Variants in EPB41L3 observed in about 807,000 individuals in gnomAD.
EPB41L3 encodes the protein erythrocyte membrane protein band 4.1 like 3.
EPB41L3 carries 57 observed loss-of-function variants against 127.1 expected under a neutral mutation model. The observed-to-expected ratio is 0.45, with a 90% CI of 0.36 to 0.56. The LOEUF (loss-of-function observed/expected upper bound fraction) is 0.56. Among genes scored for constraint, EPB41L3 ranks in the 20% least tolerant of loss-of-function variants. EPB41L3 has a pLI of 0.00. For missense variants in EPB41L3, 1,273 were observed against 1,372.2 expected, an observed-to-expected ratio of 0.93 and a Z score of 1.14; for synonymous variants, 572 against 549.5, an observed-to-expected ratio of 1.04 and a Z score of -0.57.
At chr18:5,574,058 G>C (rs940640182) in intron 3 of EPB41L3, among the ~76,000 whole-genome samples, 3 of 151,742 alleles carry the variant, frequency 2.0e-5, no homozygotes, top group Non-Finnish European at 4.4e-5. Flanking sequence ...CTACAGGCAC[G>C]CACCACCTTT....
At chr18:5,630,351 G>C (rs779459281), upstream of EPB41L3, 1 of 517,624 alleles carries the variant, frequency 1.9e-6, no homozygotes, top group Admixed American at 1.9e-5. Context: ...CCTACGCCCG[G>C]CTGCCAAGAA....
At chr18:5,395,839 G>C in intron 19 of EPB41L3, 132 bp from the exon 20 acceptor site, 1 of 720,034 alleles carries the variant, frequency 1.4e-6, no homozygotes, top group South Asian at 1.7e-5. Context: ...TTCAGAGTCT[G>C]AGCGCTGCTC....
At chr18:5,431,870 G>A (rs1016837348) in intron 8 of EPB41L3, among the ~76,000 whole-genome samples, 1 of 152,020 alleles carries the variant, frequency 6.6e-6, no homozygotes, top group African/African-American at 2.4e-5. Flanking sequence ...ACATATAATA[G>A]AAAACATCTT....
chr18:5,562,468 T>C (rs2094146585), intron 3 of EPB41L3, among the ~76,000 whole-genome samples: 1 of 152,210 alleles, frequency 6.6e-6, no homozygotes, highest in Non-Finnish European at 1.5e-5. Flanking sequence ...CATTTCTCCC[T>C]CAACCAATTA....
intron 1 of EPB41L3, among the ~76,000 whole-genome samples, chr18:5,615,420 G>T (rs1440640804): frequency 6.6e-6 from 1 of 151,782 alleles, no homozygotes; most frequent in Non-Finnish European, 1.5e-5. Flanking sequence ...CATTTACTGG[G>T]TATATGAGAT....
At chr18:5,577,636 T>C in intron 3 of EPB41L3, 1 of 219,774 alleles carries the variant, frequency 4.6e-6, no homozygotes, top group Non-Finnish European at 9.0e-6. Flanking sequence ...GTGTAGCTTC[T>C]CCGCATGACT....
intron 6 of EPB41L3, among the ~76,000 whole-genome samples, chr18:5,436,403 CTTTTTTTTTTTTT>C (rs34862547): frequency 9.9e-6 from 1 of 100,646 alleles, no homozygotes; most frequent in African/African-American, 3.4e-5. Context: ...CATTTTCTTT[CTTTTTTTTTTTTT>C]TTTTTTTTTT....
At chr18:5,582,290 G>T (rs2094400772) in intron 3 of EPB41L3, among the ~76,000 whole-genome samples, 1 of 152,062 alleles carries the variant, frequency 6.6e-6, no homozygotes. Flanking sequence ...CCCAACACAG[G>T]AGAGGAGAAG....
chr18:5,545,641 G>A (rs576488788), upstream of EPB41L3, among the ~76,000 whole-genome samples: 8 of 152,264 alleles, frequency 5.3e-5, no homozygotes, highest in African/African-American at 1.7e-4. Flanking sequence ...TAATCTTATG[G>A]CTCTGCAAAG....
Position 5,543,739 on chromosome 18 carries a change from G to A in EPB41L3, c.-12+174C>T, listed in dbSNP as rs1230547865. Among the ~76,000 whole-genome samples, 3 of 147,752 alleles carry A rather than the reference G, an allele frequency of 2.0e-5. No homozygotes were observed. The highest frequency in any genetic ancestry group is 4.5e-5 in the Non-Finnish European group (3 of 66,586). On this transcript the variant is annotated intron_variant, in intron 1 of 22. Coordinates refer to ENST00000341928, the MANE Select transcript of EPB41L3 (RefSeq NM_012307.5). This position sits in a 1 kb window ranked among gnomAD's most constrained non-coding sequence, Gnocchi z 5.2. ...TCCCGGCGAGCGGGAGGGCGGTTGG[G>A]GACCCCGGCCGCGCCGGGCGCGGGG...
At position 5,398,085 on chromosome 18, in the gene EPB41L3, T is replaced by G; in HGVS notation, c.2408A>C (p.Glu803Ala). ...MDGSEIFSLLESARKPTEFIG... is the reference protein window; with the variant it reads ...MDGSEIFSLLASARKPTEFIG... ...GAATTCTGTTGGTTTTCGCGCAGACTCTAATAAACTGAAGATTTCAGAGCC... is the reference window on the plus strand; with the variant it reads ...GAATTCTGTTGGTTTTCGCGCAGACGCTAATAAACTGAAGATTTCAGAGCC... The change falls in exon 17 of 23, where the codon GAG becomes GCG. Residue 803 changes from glutamate (E) to alanine (A), a missense_variant. Transcript: ENST00000341928. The G allele has an allele frequency of 6.2e-7, 1 of 1,614,086 alleles. No individual in the cohort carries two copies. Among genetic ancestry groups the G allele is most frequent in the Non-Finnish European group, 8.5e-7 (1 of 1,180,008 alleles).
rs1237615415 is a variant in EPB41L3, at chr18:5,428,401, C to T, written c.977G>A (p.Arg326Gln). Residue 326 changes from arginine to glutamine, a missense_variant, in exon 9 of 23, where the codon CGG (arginine) becomes CAG (glutamine). Physicochemically the swap from Arg to Gln is conservative, Grantham distance 43. Transcript: ENST00000341928. Reference sequence around the variant, plus strand: ...CCAGGCAAATCTGTTTATTCGCAGCCGGTCGCGATATATCAACAGACCACT... The same window carrying T: ...CCAGGCAAATCTGTTTATTCGCAGCTGGTCGCGATATATCAACAGACCACT... Reference protein sequence around the residue: ...CASGLLIYRDRLRINRFAWPK... With the variant: ...CASGLLIYRDQLRINRFAWPK... 1.9e-6 allele frequency: 3 copies of T among 1,614,036 alleles called. No individual in the cohort carries two copies. The highest frequency in any genetic ancestry group is 2.2e-5 in the East Asian group (1 of 44,888).
In EPB41L3 at chr18:5,543,958, G is replaced by A. The variant is rs2093827543; in HGVS notation, c.-57C>T. 3 of 985,624 alleles carry A rather than the reference G, an allele frequency of 3.0e-6. No homozygotes were observed. Among genetic ancestry groups the A allele is most frequent in the Admixed American group, 6.2e-5 (1 of 16,256 alleles). The allele number at this position is 985,624 out of a possible 1,614,324, so 61.1% of individuals were successfully genotyped here. A position where few individuals can be genotyped will look rare whatever the true frequency, so the allele number is the denominator to read the frequency against. On this transcript the variant is annotated 5_prime_UTR_variant, in exon 1 of 23. Transcript: ENST00000341928. The surrounding 1 kb of genome is among the most constrained non-coding windows in gnomAD (Gnocchi z 5.2). The stretch of plus-strand genomic sequence containing the variant: ...GGGCGCGCCGCGGCGTGGGGACTAG[G>A]CTCGGGCGCGCGTCCTCGGCGGCGG...
chr18:5,505,367 C>T (rs2092065018), intron 1 of EPB41L3, among the ~76,000 whole-genome samples: 1 of 152,090 alleles, frequency 6.6e-6, no homozygotes, highest in Admixed American at 6.5e-5. Flanking sequence ...TCCTGTGGCT[C>T]TACCTTCAGA....
At chr18:5,398,219 T>A in intron 16 of EPB41L3, 76 bp from the exon 17 acceptor site, 1 of 1,563,934 alleles carries the variant, frequency 6.4e-7, no homozygotes, top group Non-Finnish European at 8.7e-7. Context: ...TCACAGCTTG[T>A]TAGACAAAAT....
chr18:5,483,273 A>C (rs1157256761), intron 2 of EPB41L3, among the ~76,000 whole-genome samples: 2 of 152,098 alleles, frequency 1.3e-5, no homozygotes, highest in East Asian at 3.8e-4. Flanking sequence ...TCATTTGTTT[A>C]AAATAACTTG....
intron 3 of EPB41L3, among the ~76,000 whole-genome samples, chr18:5,580,234 CACAT>C (rs1482294515): frequency 6.6e-6 from 1 of 152,112 alleles, no homozygotes; most frequent in Non-Finnish European, 1.5e-5. Flanking sequence ...CACTCATACA[CACAT>C]ATGTATAGAC....
At chr18:5,442,231 A>G (rs1446666392) in intron 5 of EPB41L3, among the ~76,000 whole-genome samples, 1 of 152,146 alleles carries the variant, frequency 6.6e-6, no homozygotes, top group Non-Finnish European at 1.5e-5. Flanking sequence ...AGGATTCCTC[A>G]GAACAAAAAA....
rs192974284 is a variant in EPB41L3 at position 5,397,139 on chromosome 18, G to A, written c.2760C>T (p.Ala920=). ...AKAVLEQEET[A]AASRERQEEQ... is the part of the protein sequence containing the mutation. ...CCTCTTGTCGCTCACGGGAAGCAGC[G>A]GCTGTCTCTTCCTGTTCCAGGACAG... The change falls in exon 18 of 23, where the codon GCC becomes GCT. Residue 920 remains alanine, a synonymous_variant. Coordinates refer to ENST00000341928, the MANE Select transcript of EPB41L3 (RefSeq NM_012307.5). This position sits in a 1 kb window ranked among gnomAD's most constrained non-coding sequence, Gnocchi z 4.1. 226 of 1,614,148 alleles carry A rather than the reference G, an allele frequency of 1.4e-4. No homozygotes were observed. In the East Asian group the frequency reaches 3.5e-3, roughly 25 times the overall value.
Sources: gnomAD v4.1 joint callset for allele counts (sites outside exome capture counted in the v4.1 genomes callset) on GRCh38, gnomAD v4.1.1 for gene constraint, Gnocchi (gnomAD v3.1) non-coding constraint, MANE v1.5 for transcripts, NCBI Gene and HGNC (gene_info 2026-07-23, HGNC 2026-07-21) for gene names.